The following DLC1 variants were observed in gnomAD, a reference collection of about 807,000 sequenced individuals.
The protein encoded by DLC1 is DLC1 Rho GTPase activating protein.
Under a neutral mutation model 140.3 loss-of-function variants are expected in DLC1, and 54 were observed. The ratio of observed to expected loss-of-function variants is 0.38; its 90% CI spans 0.31 to 0.48. The LOEUF (loss-of-function observed/expected upper bound fraction) is 0.48, where lower values mean the gene tolerates loss of function less well. Among genes scored for constraint, DLC1 ranks in the 20% least tolerant of loss-of-function variants. DLC1 has a pLI of 0.96. For synonymous variants in DLC1, 986 were observed against 728.1 expected (o/e 1.35, Z -5.70); for missense variants, 2,536 against 1,907.0 (o/e 1.33, Z -6.14).
At chr8:13,581,652 A>G (rs2117446012) in intron 1 of DLC1, among the ~76,000 whole-genome samples, 1 of 152,252 alleles carries the variant, frequency 6.6e-6, no homozygotes, top group East Asian at 1.9e-4. Flanking sequence ...TCTGTTCATC[A>G]CCCTGTAATC....
intron 1 of DLC1, among the ~76,000 whole-genome samples, chr8:13,535,181 T>C (rs1226717414): frequency 1.3e-5 from 2 of 152,182 alleles, no homozygotes; most frequent in African/African-American, 2.4e-5. Flanking sequence ...ATTAAGATGA[T>C]AGTTGCTATA....
At chr8:13,198,647 A>G (rs1452160986) in intron 5 of DLC1, among the ~76,000 whole-genome samples, 1 of 152,066 alleles carries the variant, frequency 6.6e-6, no homozygotes, top group Non-Finnish European at 1.5e-5. Context: ...TTTACATTTC[A>G]TAAAGTATGC....
At chr8:13,488,870 A>G (rs1314257851) in intron 2 of DLC1, among the ~76,000 whole-genome samples, 3 of 152,242 alleles carry the variant, frequency 2.0e-5, no homozygotes, top group Non-Finnish European at 4.4e-5. Flanking sequence ...TACACCACAC[A>G]TAGCAAAGTG....
intron 5 of DLC1, among the ~76,000 whole-genome samples, chr8:13,181,954 C>T (rs996495902): frequency 6.6e-6 from 1 of 152,222 alleles, no homozygotes; most frequent in African/African-American, 2.4e-5. Flanking sequence ...CTCCCACCAA[C>T]AGTGTAAAAG....
At chr8:13,341,261 A>G (rs1032747153) in intron 4 of DLC1, 2 of 152,246 alleles carry the variant, frequency 1.3e-5, no homozygotes, top group African/African-American at 4.8e-5. Context: ...TACCATATAT[A>G]AAAGAACCAC....
chr8:13,302,048 C>T (rs1261393137), intron 5 of DLC1, among the ~76,000 whole-genome samples: 2 of 152,130 alleles, frequency 1.3e-5, no homozygotes, highest in Non-Finnish European at 2.9e-5. Flanking sequence ...CATATCGATA[C>T]TTGTGTGATC....
chr8:13,161,332 T>G (rs1345282399), intron 5 of DLC1, among the ~76,000 whole-genome samples: 2 of 151,860 alleles, frequency 1.3e-5, no homozygotes, highest in South Asian at 2.1e-4. Flanking sequence ...TTGTGGGTTT[T>G]TTTTGTTTTG....
chr8:13,567,134 C>A, intron 1 of DLC1: 1 of 1,551,734 alleles, frequency 6.4e-7, no homozygotes, highest in South Asian at 1.2e-5. Flanking sequence ...CAGTCCTCGC[C>A]CCTGACCTCT....
At chr8:13,401,707 G>A (rs1837309129) in intron 2 of DLC1, 88 bp from the exon 3 acceptor site, 2 of 1,499,594 alleles carry the variant, frequency 1.3e-6, no homozygotes, top group African/African-American at 1.4e-5. Context: ...GTGACAAAAA[G>A]TACACTGGAT....
chr8:13,372,600 T>G (rs1016427542), intron 4 of DLC1, among the ~76,000 whole-genome samples: 1 of 152,198 alleles, frequency 6.6e-6, no homozygotes, highest in African/African-American at 2.4e-5. Flanking sequence ...ACTACAGTTA[T>G]CAGATACAGT....
intron 1 of DLC1, among the ~76,000 whole-genome samples, chr8:13,594,028 T>G (rs972244566): frequency 5.9e-5 from 9 of 152,006 alleles, no homozygotes; most frequent in African/African-American, 1.9e-4. Context: ...GACATGGTGG[T>G]TCATGCCTGT....
Position 13,469,487 on chromosome 8 carries a change from C to G in DLC1, c.1023+29562G>C, listed in dbSNP as rs193293495. Among the ~76,000 whole-genome samples, 4 of 152,178 alleles carry G rather than the reference C, an allele frequency of 2.6e-5. No homozygotes were observed. In the East Asian group the frequency reaches 7.7e-4, roughly 29 times the overall value. On this transcript the variant is annotated intron_variant, in intron 2 of 17. Coordinates refer to ENST00000276297, the MANE Select transcript of DLC1 (RefSeq NM_182643.3). ...GCTTCAGTTTTTTCATCAATTTGTA[C>G]CAGTTTCTACATTGTGGCCATTAAA...
chr8:13,196,074 A>G (rs546873775), intron 5 of DLC1, among the ~76,000 whole-genome samples: 10 of 148,218 alleles, frequency 6.7e-5, no homozygotes, highest in African/African-American at 1.7e-4. Flanking sequence ...AACACAACCA[A>G]TGCTCTACAT....
intron 1 of DLC1, among the ~76,000 whole-genome samples, chr8:13,535,270 T>C (rs1288535888): frequency 1.3e-5 from 2 of 152,236 alleles, no homozygotes; most frequent in South Asian, 4.2e-4. Flanking sequence ...CTATTTTTCA[T>C]AGGTTGTCAG....
intron 5 of DLC1, among the ~76,000 whole-genome samples, chr8:13,284,956 C>G (rs979983589): frequency 6.6e-6 from 1 of 152,132 alleles, no homozygotes; most frequent in Non-Finnish European, 1.5e-5. Flanking sequence ...TTCTTCCAAA[C>G]TATAGATTCA....
intron 5 of DLC1, chr8:13,214,541 C>T: frequency 1.4e-6 from 1 of 692,722 alleles, no homozygotes; most frequent in Non-Finnish European, 2.6e-6. Context: ...GAGCTGTCCC[C>T]CGGCCCCAAC....
At chr8:13,242,472 T>C (rs111878897) in intron 5 of DLC1, among the ~76,000 whole-genome samples, 17 of 152,026 alleles carry the variant, frequency 1.1e-4, no homozygotes, top group African/African-American at 4.1e-4. Flanking sequence ...CACAGCTCAC[T>C]GCAGCCTTGA....
At chr8:13,381,805 C>G (rs1018895911) in intron 4 of DLC1, among the ~76,000 whole-genome samples, 1 of 152,096 alleles carries the variant, frequency 6.6e-6, no homozygotes, top group Non-Finnish European at 1.5e-5. Flanking sequence ...CTGTTTTCAG[C>G]CATTAAATTA....
At chr8:13,342,332 G>A (rs1385180604) in intron 4 of DLC1, 1 of 152,194 alleles carries the variant, frequency 6.6e-6, no homozygotes, top group Non-Finnish European at 1.5e-5. Context: ...GATTAGAATA[G>A]CAAGAAAAGC....
Sources: gnomAD v4.1 joint callset for allele counts (sites outside exome capture counted in the v4.1 genomes callset) on GRCh38, gnomAD v4.1.1 for gene constraint, MANE v1.5 for transcripts, NCBI Gene and HGNC (gene_info 2026-07-23, HGNC 2026-07-21) for gene names.